Variants in PIEZO2 observed in about 807,000 individuals in gnomAD.
PIEZO2 encodes the protein piezo-type mechanosensitive ion channel component 2.
In PIEZO2, 172 loss-of-function variants were observed where a neutral mutation model predicts 337.3. The ratio of observed to expected loss-of-function variants is 0.51; its 90% CI spans 0.45 to 0.58. The LOEUF is 0.58. Among genes scored for constraint, PIEZO2 ranks in the 20% least tolerant of loss-of-function variants. The probability of loss-of-function intolerance (pLI) is 0.00; values close to 1 mark genes in which losing one functional copy is unlikely to be tolerated. For missense variants in PIEZO2, 3,028 were observed against 3,391.3 expected (o/e 0.89, Z 2.66); for synonymous variants, 1,251 against 1,228.5 (o/e 1.02, Z -0.38).
chr18:10,742,389 G>C, intron 32 of PIEZO2, 105 bp downstream of exon 32: 1 of 1,291,502 alleles, frequency 7.7e-7, no homozygotes, highest in South Asian at 1.5e-5. Flanking sequence ...AAAGTGTATC[G>C]ATAATCTTGG....
intron 3 of PIEZO2, among the ~76,000 whole-genome samples, chr18:10,911,884 G>C (rs1448263320): frequency 6.6e-6 from 1 of 152,148 alleles, no homozygotes; most frequent in Non-Finnish European, 1.5e-5. Flanking sequence ...AGTGTGTCCT[G>C]CTCAGAAAAA....
chr18:11,037,574 A>G (rs2036967795), intron 2 of PIEZO2, among the ~76,000 whole-genome samples: 1 of 152,222 alleles, frequency 6.6e-6, no homozygotes, highest in Non-Finnish European at 1.5e-5. Context: ...ATAGGGGTTC[A>G]GAAGAGAGAG....
chr18:10,826,471 T>C (rs1055436052), intron 7 of PIEZO2, among the ~76,000 whole-genome samples: 4 of 152,204 alleles, frequency 2.6e-5, no homozygotes, highest in African/African-American at 9.7e-5. Flanking sequence ...ACTCTATACA[T>C]GTATAGTGAT....
chr18:10,732,640 T>A (rs1439220908), intron 35 of PIEZO2, among the ~76,000 whole-genome samples: 3 of 152,196 alleles, frequency 2.0e-5, no homozygotes, highest in Non-Finnish European at 4.4e-5. Flanking sequence ...TATTTCTGAA[T>A]AACAAATTCC....
At chr18:11,108,914 G>T (rs923251322) in intron 1 of PIEZO2, among the ~76,000 whole-genome samples, 1 of 152,168 alleles carries the variant, frequency 6.6e-6, no homozygotes, top group African/African-American at 2.4e-5. Flanking sequence ...ACAGTCATGT[G>T]GACTTCATCC....
At chr18:10,772,800 T>G (rs111400790) in intron 20 of PIEZO2, among the ~76,000 whole-genome samples, 2,385 of 152,286 alleles carry the variant, frequency 0.016, 36 homozygotes, top group Middle Eastern at 0.034. Flanking sequence ...CATGCTCTAT[T>G]AAAACATTAT....
chr18:10,928,551 TAAATA>T (rs1019164245), intron 3 of PIEZO2, among the ~76,000 whole-genome samples: 1 of 152,224 alleles, frequency 6.6e-6, no homozygotes, highest in Non-Finnish European at 1.5e-5. Flanking sequence ...ATAAATATTA[TAAATA>T]AAATAAACAC....
In PIEZO2 at chr18:10,909,955, T is replaced by G. The variant is rs118057561; in HGVS notation, c.329+1231A>C. ...GGTAGGGAAATAAATCATCTTTGAA[T>G]CAATTAACAAGTGGCAAAGAAACTG... On this transcript the variant is annotated intron_variant, in intron 4 of 55. Coordinates refer to ENST00000674853, the MANE Select transcript of PIEZO2 (RefSeq NM_001378183.1). Among the ~76,000 whole-genome samples the G allele has an allele frequency of 1.9e-3, 282 of 152,282 alleles. 3 individuals carry two copies. In the East Asian group the frequency reaches 0.039, roughly 21 times the overall value.
chr18:10,796,152 C>T lies in PIEZO2; in HGVS notation c.1528-1150G>A, dbSNP rs914196602. On this transcript the variant is annotated intron_variant, in intron 12 of 55. Transcript: ENST00000674853. ...GGCCGAGGCGGGCGGATCATGAGGC[C>T]AGGAGATCGAGACCATCCTGGCTAA... 2.1e-4 allele frequency among the ~76,000 whole-genome samples: 32 copies of T among 151,932 alleles called. 1 individual carries two copies. The highest frequency in any genetic ancestry group is 3.9e-4 in the Admixed American group (6 of 15,256).
chr18:11,019,076 A>G (rs574938208), intron 2 of PIEZO2, among the ~76,000 whole-genome samples: 2 of 152,214 alleles, frequency 1.3e-5, no homozygotes, highest in East Asian at 3.9e-4. Flanking sequence ...TACCTCCACG[A>G]TGTAACTTAC....
rs148871831 is a variant in PIEZO2 at position 10,695,441 on chromosome 18, C to T, written c.7190+633G>A. On this transcript the variant is annotated intron_variant, in intron 47 of 55. Transcript: ENST00000674853. ...TTTGAAGGATCTTACCAGCCCTTTC[C>T]TGACAGCTTCTGGCCACCCTGACCA... Among the ~76,000 whole-genome samples, 344 of 152,270 alleles carry T rather than the reference C, an allele frequency of 2.3e-3. 2 individuals are homozygous for T. The highest frequency in any genetic ancestry group is 4.0e-3 in the Non-Finnish European group (271 of 68,020).
intron 3 of PIEZO2, among the ~76,000 whole-genome samples, chr18:10,972,158 G>A (rs750699436): frequency 2.3e-5 from 3 of 132,416 alleles, no homozygotes; most frequent in Non-Finnish European, 4.8e-5. Context: ...GGGTGACAGA[G>A]CGAGACTCCG....
chr18:10,710,335 C>T (rs2035767361), intron 39 of PIEZO2, among the ~76,000 whole-genome samples: 1 of 152,140 alleles, frequency 6.6e-6, no homozygotes, highest in South Asian at 2.1e-4. Flanking sequence ...TAAAAATAGG[C>T]CCCGACAGTA....
chr18:11,073,744 C>T (rs1342296914), intron 1 of PIEZO2, among the ~76,000 whole-genome samples: 1 of 151,872 alleles, frequency 6.6e-6, no homozygotes, highest in South Asian at 2.1e-4. Flanking sequence ...GCTTTAAATG[C>T]TATTATTTAA....
intron 7 of PIEZO2, among the ~76,000 whole-genome samples, chr18:10,851,792 T>C (rs770823777): frequency 1.1e-4 from 16 of 152,186 alleles, no homozygotes; most frequent in Non-Finnish European, 2.1e-4. Context: ...CACATTATAA[T>C]GACTTCTTGA....
chr18:10,920,883 T>C (rs532917856), intron 3 of PIEZO2, among the ~76,000 whole-genome samples: 1 of 152,086 alleles, frequency 6.6e-6, no homozygotes, highest in Admixed American at 6.6e-5. Flanking sequence ...TGAAACACTG[T>C]CTCTACTAAA....
At chr18:10,689,061 G>A (rs1182535695) in intron 49 of PIEZO2, among the ~76,000 whole-genome samples, 2 of 152,120 alleles carry the variant, frequency 1.3e-5, no homozygotes, top group East Asian at 1.9e-4. Context: ...ATTTTGAGAC[G>A]AGAAAGAAAG....
At chr18:11,122,215 A>G (rs1216522193) in intron 1 of PIEZO2, among the ~76,000 whole-genome samples, 1 of 152,210 alleles carries the variant, frequency 6.6e-6, no homozygotes, top group Non-Finnish European at 1.5e-5. Context: ...TCGGCCTCCC[A>G]AAGTGCTGGG....
chr18:10,720,904 G>A (rs1461573203), intron 36 of PIEZO2, among the ~76,000 whole-genome samples: 1 of 152,052 alleles, frequency 6.6e-6, no homozygotes, highest in Non-Finnish European at 1.5e-5. Flanking sequence ...TTATGCATGG[G>A]CTTGCTTTCT....
Sources: gnomAD v4.1 joint callset for allele counts (sites outside exome capture counted in the v4.1 genomes callset) on GRCh38, gnomAD v4.1.1 for gene constraint, MANE v1.5 for transcripts, NCBI Gene and HGNC (gene_info 2026-07-23, HGNC 2026-07-21) for gene names.